The following ANKHD1 variants were observed in gnomAD, a reference collection of about 807,000 sequenced individuals.
ANKHD1 encodes the protein ankyrin repeat and KH domain containing 1.
A neutral mutation model predicts 230.5 loss-of-function variants in ANKHD1; 31 were observed. The observed-to-expected ratio is 0.13, with a 90% CI of 0.10 to 0.18. The LOEUF (loss-of-function observed/expected upper bound fraction) is 0.18. Among genes scored for constraint, ANKHD1 ranks in the 10% least tolerant of loss-of-function variants. The probability of loss-of-function intolerance (pLI) is 1.00; values close to 1 mark genes in which losing one functional copy is unlikely to be tolerated. For missense variants in ANKHD1, 2,256 were observed against 3,071.3 expected (o/e 0.73, Z 6.27); for synonymous variants, 1,074 against 1,117.6 (o/e 0.96, Z 0.78).
chr5:140,507,844 C>T lies in ANKHD1; in HGVS notation c.3611C>T (p.Pro1204Leu). Residue 1204 changes from proline (P) to leucine (L), a missense_variant, in exon 20 of 34, where the codon CCT becomes CTT. Physicochemically the swap from Pro to Leu is moderately conservative, Grantham distance 98 (BLOSUM62 -3). Transcript: ENST00000360839. The surrounding 1 kb of genome is among the most constrained non-coding windows in gnomAD (Gnocchi z 4.1). ...LMLAAMNGHV[P>L]AVKLLLDMGS... The stretch of plus-strand genomic sequence containing the variant: ...TTGGCTGCAATGAATGGACATGTTC[C>T]TGCAGTAAAATTGCTGCTCGATATG... 6.2e-7 allele frequency: 1 copy of T among 1,614,100 alleles called. No individual in the cohort carries two copies. The highest frequency in any genetic ancestry group is 8.5e-7 in the Non-Finnish European group (1 of 1,180,050).
At chr5:140,508,105 T>C (rs1752611965) in intron 20 of ANKHD1, 107 bp downstream of exon 20, 1 of 1,368,580 alleles carries the variant, frequency 7.3e-7, no homozygotes, top group African/African-American at 1.5e-5. Context: ...AAATTAAAAC[T>C]GATACCAATG....
At chr5:140,461,917 A>G (rs1220035962) in intron 9 of ANKHD1, among the ~76,000 whole-genome samples, 3 of 152,130 alleles carry the variant, frequency 2.0e-5, no homozygotes, top group African/African-American at 7.2e-5. Flanking sequence ...TAAGATTGAA[A>G]TAAGATTCAT....
chr5:140,476,522 A>G (rs1054792898), intron 10 of ANKHD1, among the ~76,000 whole-genome samples: 6 of 152,178 alleles, frequency 3.9e-5, no homozygotes, highest in African/African-American at 1.4e-4. Flanking sequence ...CAGCAATAAT[A>G]AATTACAGAA....
chr5:140,464,248 CTT>C (rs756023707), intron 9 of ANKHD1, among the ~76,000 whole-genome samples: 1 of 149,154 alleles, frequency 6.7e-6, no homozygotes, highest in Non-Finnish European at 1.5e-5. Context: ...AAAAAAAAAA[CTT>C]ATATCTGTGT....
At position 140,527,010 on chromosome 5, in the gene ANKHD1, C is replaced by T; in HGVS notation, c.5023C>T (p.Leu1675=). 6.2e-7 allele frequency: 1 copy of T among 1,613,750 alleles called. No homozygotes were observed. Among genetic ancestry groups the T allele is most frequent in the Non-Finnish European group, 8.5e-7 (1 of 1,179,844 alleles). ...GCCATTAAGCTCTCCAAACATAAAG[C>T]TGAATCTCACTAGCCCTAAAAGGGG... ...SLPLSSPNIK[L]NLTSPKRGQK... is the part of the protein sequence containing the mutation. Residue 1675 remains leucine (L), a synonymous_variant, in exon 27 of 34, where the codon CTG becomes TTG. Coordinates refer to ENST00000360839, the MANE Select transcript of ANKHD1 (RefSeq NM_017747.3). This position sits in a 1 kb window ranked among gnomAD's most constrained non-coding sequence, Gnocchi z 4.5.
chr5:140,441,349 A>C (rs557645738), intron 5 of ANKHD1, among the ~76,000 whole-genome samples: 2 of 152,296 alleles, frequency 1.3e-5, no homozygotes, highest in East Asian at 3.9e-4. Context: ...GTCAAGACTG[A>C]GTTTTTGTGG....
chr5:140,464,914 T>C, intron 10 of ANKHD1, 138 bp downstream of exon 10: 1 of 798,296 alleles, frequency 1.3e-6, no homozygotes, highest in Non-Finnish European at 1.8e-6. Flanking sequence ...CCTGTTCTAG[T>C]TGTTGTATGT....
chr5:140,495,065 A>C (rs930635108), intron 14 of ANKHD1, among the ~76,000 whole-genome samples: 13 of 152,100 alleles, frequency 8.5e-5, no homozygotes, highest in Non-Finnish European at 1.8e-4. Context: ...TTATAACCTC[A>C]GGCAGCCACT....
chr5:140,515,654 C>G (rs940019646), intron 24 of ANKHD1, among the ~76,000 whole-genome samples: 28 of 152,206 alleles, frequency 1.8e-4, no homozygotes, highest in African/African-American at 6.8e-4. Context: ...CCCTGAGCAG[C>G]CTAACTGGGG....
At chr5:140,500,368 C>T (rs1392361454) in intron 15 of ANKHD1, among the ~76,000 whole-genome samples, 2 of 151,856 alleles carry the variant, frequency 1.3e-5, no homozygotes, top group Non-Finnish European at 2.9e-5. Flanking sequence ...TGAAGCTGGC[C>T]GGGAGCAGTG....
chr5:140,478,983 A>AT (rs924856074), intron 10 of ANKHD1, among the ~76,000 whole-genome samples: 15 of 85,652 alleles, frequency 1.8e-4, no homozygotes, highest in Admixed American at 3.1e-4. Flanking sequence ...TATTTTATTT[A>AT]TTTTTTTTAA....
chr5:140,459,488 A>AG, intron 9 of ANKHD1, 133 bp downstream of exon 9: 1 of 1,159,042 alleles, frequency 8.6e-7, no homozygotes, highest in Non-Finnish European at 1.1e-6. Flanking sequence ...TGAGGGTGGG[A>AG]GGAGAGTACA....
At chr5:140,497,495 G>A (rs1232101869) in intron 15 of ANKHD1, among the ~76,000 whole-genome samples, 1 of 152,158 alleles carries the variant, frequency 6.6e-6, no homozygotes, top group African/African-American at 2.4e-5. Context: ...TATTGCAAAG[G>A]CAAAGAAATA....
intron 7 of ANKHD1, among the ~76,000 whole-genome samples, chr5:140,453,567 T>C (rs548439482): frequency 8.5e-5 from 13 of 152,306 alleles, no homozygotes; most frequent in African/African-American, 3.1e-4. Flanking sequence ...TTCAACATTC[T>C]TAAAGAAAAG....
At chr5:140,439,597 G>A (rs1773699602) in intron 3 of ANKHD1, among the ~76,000 whole-genome samples, 1 of 152,144 alleles carries the variant, frequency 6.6e-6, no homozygotes, top group Admixed American at 6.5e-5. Flanking sequence ...TTGAACCTGG[G>A]AGGTGGAGGT....
intron 10 of ANKHD1, among the ~76,000 whole-genome samples, chr5:140,466,731 A>G (rs1776119733): frequency 6.6e-6 from 1 of 152,164 alleles, no homozygotes. Context: ...GGACCACCTG[A>G]GGTCAGGAAT....
chr5:140,526,636 T>G (rs1245778671), intron 26 of ANKHD1, among the ~76,000 whole-genome samples, 193 bp downstream of exon 26: 1 of 152,218 alleles, frequency 6.6e-6, no homozygotes, highest in Admixed American at 6.5e-5. Flanking sequence ...AATGAGATTA[T>G]TAGAAATTTT....
intron 29 of ANKHD1, 62 bp from the exon 30 acceptor site, chr5:140,535,300 T>C (rs1027356905): frequency 4.9e-5 from 74 of 1,506,360 alleles, no homozygotes; most frequent in Non-Finnish European, 6.0e-5. Flanking sequence ...GGTGGAAGTC[T>C]TCTTGGGCTT....
intron 13 of ANKHD1, 140 bp from the exon 14 acceptor site, chr5:140,486,817 CT>C (rs1751523497): frequency 4.0e-6 from 3 of 754,364 alleles, no homozygotes; most frequent in African/African-American, 1.8e-5. Flanking sequence ...TTGGTGAAAG[CT>C]TTTTTTAAAA....
Sources: allele counts gnomAD v4.1 joint callset (sites outside exome capture counted in the v4.1 genomes callset), GRCh38; gene constraint gnomAD v4.1.1; non-coding constraint Gnocchi (gnomAD v3.1); transcripts MANE v1.5; gene names NCBI Gene and HGNC (gene_info 2026-07-23, HGNC 2026-07-21).